FBXL7: variants seen among roughly 807,000 people sequenced by gnomAD.
FBXL7 encodes the protein F-box and leucine rich repeat protein 7.
FBXL7 carries 12 observed loss-of-function variants against 38.3 expected under a neutral mutation model. That is an observed-to-expected ratio of 0.31 (90% CI 0.20 to 0.51). FBXL7 has a LOEUF of 0.51. FBXL7 is among the 20% of genes least tolerant of loss of function. The probability of loss-of-function intolerance (pLI) is 0.98; values close to 1 mark genes in which losing one functional copy is unlikely to be tolerated. For synonymous variants in FBXL7, 297 were observed against 300.9 expected (o/e 0.99, Z 0.13); for missense variants, 567 against 676.4 (o/e 0.84, Z 1.79).
intron 2 of FBXL7, among the ~76,000 whole-genome samples, chr5:15,849,986 T>C (rs1739044486): frequency 6.6e-6 from 1 of 152,122 alleles, no homozygotes; most frequent in Non-Finnish European, 1.5e-5. Flanking sequence ...CCTGAGCTAG[T>C]GGGGGTTGAC....
intron 2 of FBXL7, among the ~76,000 whole-genome samples, chr5:15,870,802 CA>C (rs1739922943): frequency 6.6e-6 from 1 of 152,190 alleles, no homozygotes; most frequent in South Asian, 2.1e-4. Context: ...AGAAAGGCAG[CA>C]GCCCCACTCA....
chr5:15,612,076 T>C (rs1312823982), intron 1 of FBXL7, among the ~76,000 whole-genome samples: 1 of 152,158 alleles, frequency 6.6e-6, no homozygotes, highest in East Asian at 1.9e-4. Context: ...TCAAAGGACA[T>C]AGATTTTCAG....
At chr5:15,583,254 G>A (rs1185537465) in intron 1 of FBXL7, among the ~76,000 whole-genome samples, 1 of 152,028 alleles carries the variant, frequency 6.6e-6, no homozygotes, top group Admixed American at 6.5e-5. Flanking sequence ...TCTCTCCCTC[G>A]ACACCTGGGG....
intron 2 of FBXL7, among the ~76,000 whole-genome samples, chr5:15,683,080 G>A (rs997332704): frequency 1.4e-4 from 21 of 152,116 alleles, no homozygotes; most frequent in Admixed American, 3.9e-4. Flanking sequence ...AAGGTGTATT[G>A]CTTATTCATT....
At chr5:15,558,503 C>T (rs1176914248) in intron 1 of FBXL7, among the ~76,000 whole-genome samples, 1 of 152,204 alleles carries the variant, frequency 6.6e-6, no homozygotes, top group African/African-American at 2.4e-5. Context: ...CCACATTTGA[C>T]TCTAAATGGC....
chr5:15,577,594 T>G (rs1304174583), intron 1 of FBXL7, among the ~76,000 whole-genome samples: 1 of 147,568 alleles, frequency 6.8e-6, no homozygotes, highest in Non-Finnish European at 1.5e-5. Context: ...GTAATGCATT[T>G]TGTGTGTGTG....
At chr5:15,843,999 CT>C (rs35839393) in intron 2 of FBXL7, among the ~76,000 whole-genome samples, 7 of 151,378 alleles carry the variant, frequency 4.6e-5, no homozygotes, top group Admixed American at 2.6e-4. Context: ...AGAGAAGTGC[CT>C]TTTTTTTAAG....
At chr5:15,689,645 A>G (rs1579380056) in intron 2 of FBXL7, among the ~76,000 whole-genome samples, 1 of 152,220 alleles carries the variant, frequency 6.6e-6, no homozygotes, top group Non-Finnish European at 1.5e-5. Context: ...AAACAAAAAC[A>G]CTTAGAATAA....
chr5:15,836,597 G>A (rs1579506098), intron 2 of FBXL7, among the ~76,000 whole-genome samples: 1 of 152,140 alleles, frequency 6.6e-6, no homozygotes, highest in East Asian at 1.9e-4. Flanking sequence ...CTTCTAGGTG[G>A]GAGTGTGCCT....
chr5:15,560,050 T>C (rs1036161529), intron 1 of FBXL7, among the ~76,000 whole-genome samples: 1 of 152,226 alleles, frequency 6.6e-6, no homozygotes, highest in African/African-American at 2.4e-5. Context: ...ATCTTACAAA[T>C]ATTTGTACCT....
At chr5:15,758,757 G>A (rs1216379592) in intron 2 of FBXL7, among the ~76,000 whole-genome samples, 3 of 152,104 alleles carry the variant, frequency 2.0e-5, no homozygotes, top group African/African-American at 7.2e-5. Context: ...TGTTGTGTGT[G>A]ATTGTAGGTA....
At chr5:15,594,597 G>A (rs943067941) in intron 1 of FBXL7, among the ~76,000 whole-genome samples, 3 of 152,186 alleles carry the variant, frequency 2.0e-5, no homozygotes, top group African/African-American at 7.2e-5. Context: ...CCTTGGTATT[G>A]GAGCTGCAGT....
chr5:15,918,199 A>C (rs919028121), intron 2 of FBXL7, among the ~76,000 whole-genome samples: 2 of 152,198 alleles, frequency 1.3e-5, no homozygotes, highest in African/African-American at 4.8e-5. Flanking sequence ...AGATCATGCC[A>C]CTGCACTCCA....
intron 1 of FBXL7, among the ~76,000 whole-genome samples, chr5:15,540,870 T>C (rs573908151): frequency 1.3e-5 from 2 of 151,932 alleles, no homozygotes; most frequent in East Asian, 3.9e-4. Flanking sequence ...ATGAGCTAAT[T>C]ACCTCCTAGG....
chr5:15,654,398 A>G (rs1580436689), intron 2 of FBXL7, among the ~76,000 whole-genome samples: 2 of 147,918 alleles, frequency 1.4e-5, no homozygotes. Context: ...TCTGTATGGG[A>G]GGAAAATTCA....
chr5:15,800,371 C>T (rs1462162865), intron 2 of FBXL7, among the ~76,000 whole-genome samples: 1 of 152,140 alleles, frequency 6.6e-6, no homozygotes, highest in Non-Finnish European at 1.5e-5. Context: ...AGCAAGGCTA[C>T]TCCTATCGCA....
intron 1 of FBXL7, among the ~76,000 whole-genome samples, chr5:15,512,635 C>T (rs1003018097): frequency 6.6e-6 from 1 of 152,170 alleles, no homozygotes; most frequent in Non-Finnish European, 1.5e-5. Flanking sequence ...AACATAATTA[C>T]ACCCTCTTAT....
chr5:15,721,625 A>G lies in FBXL7; in HGVS notation c.127+105553A>G, dbSNP rs368564913. On this transcript the variant is annotated intron_variant, in intron 2 of 3. Transcript: ENST00000504595. ...AAATAGAAATATTCCTTAACTTACA[A>G]GAGAGGTGATCTTTTTTGACTTTTG... 1.6e-4 allele frequency among the ~76,000 whole-genome samples: 24 copies of G among 152,190 alleles called. No individual in the cohort carries two copies. In the East Asian group the frequency reaches 4.4e-3, roughly 28 times the overall value.
At chr5:15,532,215 A>G (rs1156319029) in intron 1 of FBXL7, among the ~76,000 whole-genome samples, 1 of 152,222 alleles carries the variant, frequency 6.6e-6, no homozygotes, top group Non-Finnish European at 1.5e-5. Context: ...TCTCATACAC[A>G]CTAGAAATGG....
Sources: allele counts gnomAD v4.1 joint callset (sites outside exome capture counted in the v4.1 genomes callset), GRCh38; gene constraint gnomAD v4.1.1; transcripts MANE v1.5; gene names NCBI Gene and HGNC (gene_info 2026-07-23, HGNC 2026-07-21).